Variants in MCM5 observed in about 807,000 individuals in gnomAD.
The protein encoded by MCM5 is DNA replication licensing factor MCM5.
MCM5 carries 46 observed loss-of-function variants against 79.9 expected under a neutral mutation model. That is an observed-to-expected ratio of 0.58 (90% CI 0.45 to 0.74). MCM5 has a LOEUF of 0.74. Among genes scored for constraint, MCM5 ranks in the 30% least tolerant of loss-of-function variants. The probability of loss-of-function intolerance (pLI) is 0.00; values close to 1 mark genes in which losing one functional copy is unlikely to be tolerated. For synonymous variants in MCM5, 404 were observed against 390.5 expected (o/e 1.03, Z -0.41); for missense variants, 883 against 1,017.0 (o/e 0.87, Z 1.79).
rs133427 is a variant in MCM5 at position 35,419,887 on chromosome 22, G to T, written c.1707G>T (p.Lys569Asn). The T allele has an allele frequency of 6.2e-7, 1 of 1,610,982 alleles. No homozygotes were observed. Among genetic ancestry groups the T allele is most frequent in the East Asian group, 2.2e-5 (1 of 44,796 alleles). The change falls in exon 14 of 17, where the codon AAG becomes AAT. Residue 569 changes from lysine to asparagine, a missense_variant. By Grantham distance (94) the Lys-to-Asn change is moderately conservative. Coordinates refer to ENST00000216122, the MANE Select transcript of MCM5 (RefSeq NM_006739.4). ...GCCTCTCCCCACTGTCCTGCAGGAA[G>T]TGTGGCCCCCGGCTGTCAGCAGAGG... The part of the protein sequence containing the change: ...LKKFIAYCRV[K>N]CGPRLSAEAA...
At chr22:35,433,708 A>G in the MCM5 span, among the ~76,000 whole-genome samples, 5 of 152,094 alleles carry the variant, frequency 3.3e-5, no homozygotes, top group South Asian at 2.1e-4. Context: ...CTTCATTTCT[A>G]CTTTTCCATC....
intron 11 of MCM5, 102 bp from the exon 12 acceptor site, chr22:35,416,536 T>TAAAC: frequency 2.8e-6 from 2 of 703,988 alleles, no homozygotes; most frequent in South Asian, 1.7e-5. Context: ...TGTGTGTGTG[T>TAAAC]GTGTGTGTGT....
chr22:35,452,500 G>A, the MCM5 span, among the ~76,000 whole-genome samples: 9 of 152,200 alleles, frequency 5.9e-5, no homozygotes, highest in Non-Finnish European at 1.3e-4. Flanking sequence ...GCCGCCTCAC[G>A]TTCCTCCACG....
At chr22:35,404,137 A>T (rs1300687918) in intron 4 of MCM5, among the ~76,000 whole-genome samples, 1 of 151,998 alleles carries the variant, frequency 6.6e-6, no homozygotes, top group Non-Finnish European at 1.5e-5. Flanking sequence ...AATTACAGAC[A>T]TGACACTTTA....
the MCM5 span, among the ~76,000 whole-genome samples, chr22:35,451,248 A>G: frequency 6.6e-6 from 1 of 150,492 alleles, no homozygotes; most frequent in Admixed American, 6.7e-5. Context: ...AATTGAAGCA[A>G]AAAGTTCCTA....
At chr22:35,445,069 T>A in the MCM5 span, among the ~76,000 whole-genome samples, 1 of 152,112 alleles carries the variant, frequency 6.6e-6, no homozygotes, top group Admixed American at 6.5e-5. Context: ...AACCGAGAGC[T>A]GGGCTGTCCA....
At position 35,408,558 on chromosome 22, in the gene MCM5, C is replaced by A. The variant is rs931540382; in HGVS notation, c.747C>A (p.Cys249Ter). Residue 249 changes from cysteine (C) to a stop codon, truncating the protein, a stop_gained, in exon 6 of 17, where the codon TGC becomes TGA. Transcript: ENST00000216122. LOFTEE classifies it high-confidence loss of function. ...GEMPRHMQLY[C>*]DRYLCDKVVP... ...TGCCCAGACACATGCAGCTCTACTG[C>A]GACAGGTGAGGCAGACGGGCTGGGA... The A allele has an allele frequency of 6.2e-7, 1 of 1,606,608 alleles. No individual in the cohort carries two copies.
At chr22:35,428,380 G>A (rs1463140297), downstream of MCM5, among the ~76,000 whole-genome samples, 1 of 151,450 alleles carries the variant, frequency 6.6e-6, no homozygotes, top group Admixed American at 6.6e-5. Context: ...ATGCTGGTCT[G>A]GAACTCCTGG....
Position 35,408,534 on chromosome 22 carries a change from G to T in MCM5, c.723G>T (p.Met241Ile). The part of the protein sequence containing the change: ...ELPDAVPHGE[M>I]PRHMQLYCDR... ...CTGATGCAGTCCCCCACGGGGAGAT[G>T]CCCAGACACATGCAGCTCTACTGCG... The change falls in exon 6 of 17, where the codon ATG becomes ATT. Residue 241 changes from methionine to isoleucine, a missense_variant. Met to Ile is a conservative substitution (Grantham distance 10). Coordinates refer to ENST00000216122, the MANE Select transcript of MCM5 (RefSeq NM_006739.4). 6.2e-7 allele frequency: 1 copy of T among 1,613,670 alleles called. No individual in the cohort carries two copies.
At chr22:35,415,027 C>T (rs1194315039) in intron 9 of MCM5, among the ~76,000 whole-genome samples, 2 of 152,086 alleles carry the variant, frequency 1.3e-5, no homozygotes, top group East Asian at 1.9e-4. Flanking sequence ...ACTGCACATG[C>T]GACCCATGTA....
rs756969983 is a variant in MCM5, at chr22:35,408,319, A to G, written c.597-89A>G. ...AGACCCCCATAAATTGCCGCTGGCA[A>G]CGTCTCCTTGCTGGCTCCTGGGATG... On this transcript the variant is annotated intron_variant, in intron 5 of 16. Coordinates refer to ENST00000216122, the MANE Select transcript of MCM5 (RefSeq NM_006739.4). 19 of 1,316,406 alleles carry G rather than the reference A, an allele frequency of 1.4e-5. No individual in the cohort carries two copies. The Admixed American group carries it at 1.9e-4, about 13-fold the overall frequency. 81.5% of individuals were successfully genotyped at this position (1,316,406 alleles called of 1,614,324 possible).
At chr22:35,429,237 C>T (rs963275335), downstream of MCM5, among the ~76,000 whole-genome samples, 3 of 151,954 alleles carry the variant, frequency 2.0e-5, no homozygotes, top group African/African-American at 7.3e-5. Context: ...CCACCTGCCT[C>T]GGCCTCCCAA....
At position 35,424,308 on chromosome 22, in the gene MCM5, C is replaced by T. The variant is rs185471383; in HGVS notation, c.*53C>T. 5.9e-4 allele frequency: 771 copies of T among 1,298,540 alleles called. 5 individuals are homozygous for T. The Middle Eastern group carries it at 0.013, about 22-fold the overall frequency. 80.4% of individuals were successfully genotyped at this position (1,298,540 alleles called of 1,614,324 possible). On this transcript the variant is annotated 3_prime_UTR_variant, in exon 17 of 17. Transcript: ENST00000216122. ...CTCGCCCACGCCTCGCCCCTCCTGC[C>T]GCTGCCTGCCATTGACAATGTTGCT...
At chr22:35,420,049 G>A (rs1413434369) in intron 14 of MCM5, 37 bp downstream of exon 14, 1 of 1,576,552 alleles carries the variant, frequency 6.3e-7, no homozygotes. Flanking sequence ...TGGCAGATGG[G>A]GCTTGCTTTA....
chr22:35,436,811 G>T, the MCM5 span, among the ~76,000 whole-genome samples: 1 of 152,200 alleles, frequency 6.6e-6, no homozygotes, highest in Non-Finnish European at 1.5e-5. Flanking sequence ...AATGAGAAGG[G>T]GCTGGCAAAG....
chr22:35,424,535 C>T lies in MCM5; in HGVS notation c.*280C>T, dbSNP rs150620179. 2.6e-4 allele frequency: 85 copies of T among 328,594 alleles called. No homozygotes were observed. The highest frequency in any genetic ancestry group is 1.5e-3 in the African/African-American group (72 of 46,686). The allele number at this position is 328,594 out of a possible 1,614,324, so 20.4% of individuals were successfully genotyped here. On this transcript the variant is annotated 3_prime_UTR_variant, in exon 17 of 17. Coordinates refer to ENST00000216122, the MANE Select transcript of MCM5 (RefSeq NM_006739.4). ...GTTTGTGCACTCGGTGACCTGTCACCTCCATCGTGCCCTCATGGCAGGGTA... is the reference window on the plus strand; with the variant it reads ...GTTTGTGCACTCGGTGACCTGTCACTTCCATCGTGCCCTCATGGCAGGGTA...
At chr22:35,447,360 C>G in the MCM5 span, among the ~76,000 whole-genome samples, 1,412 of 152,292 alleles carry the variant, frequency 9.3e-3, 18 homozygotes, top group African/African-American at 0.03. Flanking sequence ...TGACACATGG[C>G]TTAGCGATGC....
At chr22:35,405,752 G>A (rs943121855) in intron 4 of MCM5, among the ~76,000 whole-genome samples, 4 of 151,918 alleles carry the variant, frequency 2.6e-5, no homozygotes, top group African/African-American at 9.7e-5. Context: ...GCTCATGCCT[G>A]TAATCCCAGC....
downstream of MCM5, among the ~76,000 whole-genome samples, chr22:35,426,491 G>C (rs574112491): frequency 6.6e-6 from 1 of 152,270 alleles, no homozygotes; most frequent in Non-Finnish European, 1.5e-5. Flanking sequence ...ACTCACCTGT[G>C]ACCTGGCTCC....
Sources: gnomAD v4.1 joint callset for allele counts (sites outside exome capture counted in the v4.1 genomes callset) on GRCh38, gnomAD v4.1.1 for gene constraint, MANE v1.5 for transcripts, NCBI Gene and HGNC (gene_info 2026-07-23, HGNC 2026-07-21) for gene names.